Variants in CDH23 observed in about 807,000 individuals in gnomAD.
The protein encoded by CDH23 is cadherin-23.
In CDH23, 189 loss-of-function variants were observed where a neutral mutation model predicts 317.1. That is an observed-to-expected ratio of 0.60 (90% CI 0.53 to 0.67). CDH23 has a LOEUF of 0.67. CDH23 is among the 30% of genes least tolerant of loss of function. CDH23 has a pLI of 0.00. For missense variants in CDH23, 4,401 were observed against 4,592.4 expected (o/e 0.96, Z 1.20); for synonymous variants, 1,839 against 1,876.8 (o/e 0.98, Z 0.52).
intron 9 of CDH23, among the ~76,000 whole-genome samples, chr10:71,608,636 C>T (rs999699867): frequency 7.2e-5 from 11 of 152,166 alleles, no homozygotes; most frequent in African/African-American, 2.4e-4. Flanking sequence ...CTGGGGACTG[C>T]CAGAGATTGC....
intron 2 of CDH23, among the ~76,000 whole-genome samples, chr10:71,443,488 C>T (rs1181187924): frequency 3.9e-5 from 6 of 152,250 alleles, no homozygotes; most frequent in African/African-American, 1.4e-4. Context: ...TCTCTCCCCT[C>T]TCTCCTCAGG....
At chr10:71,604,900 C>T (rs1179540722) in intron 9 of CDH23, among the ~76,000 whole-genome samples, 1 of 152,202 alleles carries the variant, frequency 6.6e-6, no homozygotes, top group African/African-American at 2.4e-5. Context: ...TTCATCCTAG[C>T]TGATGTAGCA....
chr10:71,456,228 G>A (rs972116206), intron 3 of CDH23, among the ~76,000 whole-genome samples: 3 of 150,758 alleles, frequency 2.0e-5, no homozygotes, highest in African/African-American at 4.9e-5. Flanking sequence ...CCAGGTGATC[G>A]GTGCTGGAAC....
At chr10:71,629,079 C>T (rs552431529) in intron 11 of CDH23, among the ~76,000 whole-genome samples, 2 of 152,298 alleles carry the variant, frequency 1.3e-5, no homozygotes, top group African/African-American at 4.8e-5. Flanking sequence ...GGGATGTGCA[C>T]GTTGAGTGGG....
chr10:71,702,287 AC>A, intron 23 of CDH23, 76 bp downstream of exon 23: 1 of 1,479,418 alleles, frequency 6.8e-7, no homozygotes. Flanking sequence ...CCTCTGGGGT[AC>A]CTGGGGCCCA....
intron 6 of CDH23, among the ~76,000 whole-genome samples, chr10:71,566,171 G>A (rs1857387267): frequency 1.3e-5 from 2 of 152,210 alleles, no homozygotes; most frequent in South Asian, 4.1e-4. Context: ...AGTGGACAGA[G>A]TGGTTGGAAC....
At chr10:71,656,832 A>T (rs1863437862) in intron 14 of CDH23, among the ~76,000 whole-genome samples, 1 of 152,044 alleles carries the variant, frequency 6.6e-6, no homozygotes, top group African/African-American at 2.4e-5. Flanking sequence ...GGAGGTGATG[A>T]GGCCTGGGAG....
chr10:71,797,491 C>T (rs558541628), intron 49 of CDH23, among the ~76,000 whole-genome samples: 5 of 152,216 alleles, frequency 3.3e-5, no homozygotes, highest in African/African-American at 1.2e-4. Flanking sequence ...AGGAAGGAGG[C>T]TTGGTAGAGC....
intron 9 of CDH23, among the ~76,000 whole-genome samples, chr10:71,604,594 T>G (rs1484443804): frequency 6.6e-6 from 1 of 152,356 alleles, no homozygotes; most frequent in Non-Finnish European, 1.5e-5. Flanking sequence ...GACAGCTTCC[T>G]GTGAACTCTC....
chr10:71,792,181 T>C (rs1841269661), intron 47 of CDH23, among the ~76,000 whole-genome samples: 1 of 152,152 alleles, frequency 6.6e-6, no homozygotes, highest in Non-Finnish European at 1.5e-5. Flanking sequence ...ATGAGGCCAA[T>C]GGGGAAGCTA....
At chr10:71,590,905 A>C (rs933044116) in intron 9 of CDH23, among the ~76,000 whole-genome samples, 2 of 148,464 alleles carry the variant, frequency 1.3e-5, no homozygotes, top group Non-Finnish European at 3.0e-5. Flanking sequence ...AACAAAAAAA[A>C]ACACCAGTCT....
intron 14 of CDH23, among the ~76,000 whole-genome samples, chr10:71,673,235 A>G (rs1864220725): frequency 6.6e-6 from 1 of 152,118 alleles, no homozygotes; most frequent in African/African-American, 2.4e-5. Flanking sequence ...GTCCTTCCCC[A>G]AACCCTTTTC....
At chr10:71,401,186 G>A (rs988130661) in intron 1 of CDH23, among the ~76,000 whole-genome samples, 7 of 152,132 alleles carry the variant, frequency 4.6e-5, no homozygotes, top group African/African-American at 1.4e-4. Flanking sequence ...TGACACTGAC[G>A]CTGCTCAGGA....
chr10:71,810,523 A>C lies in CDH23; in HGVS notation c.9031A>C (p.Ile3011Leu). 1 of 1,613,980 alleles carries C rather than the reference A, an allele frequency of 6.2e-7. No homozygotes were observed. Among genetic ancestry groups the C allele is most frequent in the Non-Finnish European group, 8.5e-7 (1 of 1,179,872 alleles). Residue 3011 changes from isoleucine (I) to leucine (L), a missense_variant, in exon 62 of 70, where the codon ATC becomes CTC. Around this residue, in one of 3 missense-constraint regions of CDH23, gnomAD observed 1,144 missense variants for 1,138.2 expected, o/e 1.01. Transcript: ENST00000224721. The stretch of plus-strand genomic sequence containing the variant: ...GAACTTTGCGCAGACAGAACTGCTT[A>C]TCCACGTGGTGAACCGCGATACCAA... The part of the protein sequence containing the change: ...RVNFAQTELL[I>L]HVVNRDTNRI...
At chr10:71,718,132 G>A (rs1405975860) in intron 28 of CDH23, among the ~76,000 whole-genome samples, 1 of 152,182 alleles carries the variant, frequency 6.6e-6, no homozygotes, top group Admixed American at 6.5e-5. Flanking sequence ...CCAGCTTGCA[G>A]CTTAGATAAC....
chr10:71,628,491 T>C (rs931305291), intron 11 of CDH23, among the ~76,000 whole-genome samples: 4 of 152,078 alleles, frequency 2.6e-5, no homozygotes, highest in African/African-American at 9.7e-5. Context: ...ATCAAAGTAA[T>C]TGAGAGTGAG....
Position 71,673,337 on chromosome 10 carries a change from G to A in CDH23, c.1450-1775G>A, listed in dbSNP as rs139992478. Among the ~76,000 whole-genome samples the A allele has an allele frequency of 3.3e-4, 51 of 152,306 alleles. No individual in the cohort carries two copies. In the East Asian group the frequency reaches 8.5e-3, roughly 25 times the overall value. On this transcript the variant is annotated intron_variant, in intron 14 of 69. Coordinates refer to ENST00000224721, the MANE Select transcript of CDH23 (RefSeq NM_022124.6). ...GGCCTCCACACCACAGTGACCCCTCGCCAAGGGGTTCAATGACATGGCAGT... is the reference window on the plus strand; with the variant it reads ...GGCCTCCACACCACAGTGACCCCTCACCAAGGGGTTCAATGACATGGCAGT...
chr10:71,457,302 C>T (rs1360398981), intron 3 of CDH23, among the ~76,000 whole-genome samples: 1 of 152,172 alleles, frequency 6.6e-6, no homozygotes, highest in Non-Finnish European at 1.5e-5. Context: ...GTTAGGTTAC[C>T]TGCACAATCT....
chr10:71,453,888 C>A (rs1464992551), intron 3 of CDH23, among the ~76,000 whole-genome samples: 1 of 152,182 alleles, frequency 6.6e-6, no homozygotes, highest in Non-Finnish European at 1.5e-5. Context: ...CTTTTCTGCC[C>A]ACCGTGTTCA....
Sources: allele counts gnomAD v4.1 joint callset (sites outside exome capture counted in the v4.1 genomes callset), GRCh38; gene constraint gnomAD v4.1.1; regional missense constraint gnomAD v4.1.1; transcripts MANE v1.5; gene names NCBI Gene and HGNC (gene_info 2026-07-23, HGNC 2026-07-21).